SCAPER: variants seen among roughly 807,000 people sequenced by gnomAD.
SCAPER encodes S phase cyclin A-associated protein in the endoplasmic reticulum.
Under a neutral mutation model 182.2 loss-of-function variants are expected in SCAPER, and 98 were observed. That is an observed-to-expected ratio of 0.54 (90% CI 0.46 to 0.64). The LOEUF (loss-of-function observed/expected upper bound fraction) is 0.64, where lower values mean the gene tolerates loss of function less well. SCAPER is among the 30% of genes least tolerant of loss of function. The probability of loss-of-function intolerance (pLI) is 0.00; values close to 1 mark genes in which losing one functional copy is unlikely to be tolerated. For synonymous variants in SCAPER, 605 were observed against 564.6 expected (o/e 1.07, Z -1.01); for missense variants, 1,432 against 1,690.0 (o/e 0.85, Z 2.68).
rs551709831 is a variant in SCAPER, at chr15:76,468,863, T to A, written c.3078+2349A>T. On this transcript the variant is annotated intron_variant, in intron 25 of 31. Transcript: ENST00000563290. Reference sequence around the variant, plus strand: ...CTCATGAATGGGATTAGTGCCCTTATAAAAAGAGGCCAGAGAATTAGCTTG... The same window carrying A: ...CTCATGAATGGGATTAGTGCCCTTAAAAAAAGAGGCCAGAGAATTAGCTTG... 1.1e-3 allele frequency among the ~76,000 whole-genome samples: 168 copies of A among 152,272 alleles called. 1 individual carries two copies. Among genetic ancestry groups the A allele is most frequent in the Non-Finnish European group, 2.0e-3 (134 of 67,998 alleles).
intron 22 of SCAPER, among the ~76,000 whole-genome samples, chr15:76,620,446 C>T (rs987637923): frequency 6.6e-6 from 1 of 152,196 alleles, no homozygotes; most frequent in Non-Finnish European, 1.5e-5. Flanking sequence ...TTGTGATATA[C>T]AGCATCTTCC....
intron 22 of SCAPER, among the ~76,000 whole-genome samples, chr15:76,587,926 C>CT (rs377318110): frequency 0.01 from 1,454 of 144,346 alleles, 20 homozygotes; most frequent in African/African-American, 0.028. Flanking sequence ...TTTTTCTTTT[C>CT]TTTTTTTTTT....
At chr15:76,703,103 T>G in intron 18 of SCAPER, 101 bp from the exon 19 acceptor site, 1 of 1,310,732 alleles carries the variant, frequency 7.6e-7, no homozygotes, top group South Asian at 1.6e-5. Context: ...AATAATAGAA[T>G]GTCGTTTCTA....
intron 8 of SCAPER, among the ~76,000 whole-genome samples, chr15:76,793,040 C>T (rs547232070): frequency 6.6e-6 from 1 of 152,320 alleles, no homozygotes; most frequent in Non-Finnish European, 1.5e-5. Context: ...TTCATATCAT[C>T]TCTTCTCCCG....
intron 29 of SCAPER, among the ~76,000 whole-genome samples, chr15:76,373,133 C>T (rs1221955493): frequency 2.0e-5 from 3 of 151,538 alleles, no homozygotes; most frequent in Non-Finnish European, 1.5e-5. Context: ...CTGCAACCTC[C>T]GCCTCCCACG....
At chr15:76,426,492 G>C (rs1443344390) in intron 26 of SCAPER, among the ~76,000 whole-genome samples, 4 of 152,156 alleles carry the variant, frequency 2.6e-5, no homozygotes, top group African/African-American at 9.7e-5. Context: ...CTCATGCTGG[G>C]AGCTGTAGAC....
At chr15:76,617,135 C>T (rs1167266687) in intron 22 of SCAPER, among the ~76,000 whole-genome samples, 2 of 151,784 alleles carry the variant, frequency 1.3e-5, no homozygotes, top group Non-Finnish European at 2.9e-5. Flanking sequence ...GGTATTTAAC[C>T]AAGCATAAAG....
intron 25 of SCAPER, among the ~76,000 whole-genome samples, chr15:76,458,316 A>C (rs999505719): frequency 6.6e-6 from 1 of 152,050 alleles, no homozygotes; most frequent in Non-Finnish European, 1.5e-5. Context: ...GAAAAATTAT[A>C]TATGTAGAGA....
intron 23 of SCAPER, among the ~76,000 whole-genome samples, chr15:76,544,538 T>C (rs1367987847): frequency 2.0e-5 from 3 of 152,182 alleles, no homozygotes; most frequent in South Asian, 2.1e-4. Context: ...TTGAAATTTA[T>C]CTAATGTGAA....
chr15:76,813,292 A>G (rs1159920835), intron 5 of SCAPER, among the ~76,000 whole-genome samples: 2 of 150,516 alleles, frequency 1.3e-5, no homozygotes, highest in African/African-American at 4.9e-5. Flanking sequence ...AAATTTCCTC[A>G]ATATAGTAGA....
In SCAPER at chr15:76,348,386, T is replaced by TCATAAGATGGTATACCAAATTC. The variant is rs1440288009; in HGVS notation, c.*246_*247insGAATTTGGTATACCATCTTATG. On this transcript the variant is annotated 3_prime_UTR_variant, in exon 32 of 32. Transcript: ENST00000563290. Reference sequence around the variant, plus strand: ...TATCACAAATGCAAAGTATATATTATCATAAGATGGAAATTACCAAACTCC... The same window carrying TCATAAGATGGTATACCAAATTC: ...TATCACAAATGCAAAGTATATATTATCATAAGATGGTATACCAAATTCCATAAGATGGAAATTACCAAACTCC... 1.4e-5 allele frequency: 4 copies of TCATAAGATGGTATACCAAATTC among 282,602 alleles called. No individual in the cohort carries two copies. Among genetic ancestry groups the TCATAAGATGGTATACCAAATTC allele is most frequent in the African/African-American group, 8.7e-5 (4 of 45,776 alleles). 17.5% of individuals were successfully genotyped at this position (282,602 alleles called of 1,614,324 possible).
chr15:76,841,119 T>G (rs150786093), intron 5 of SCAPER, among the ~76,000 whole-genome samples: 99 of 152,344 alleles, frequency 6.5e-4, no homozygotes, highest in African/African-American at 2.2e-3. Flanking sequence ...ATGTTGTGTG[T>G]GTATCCAACC....
At chr15:76,734,671 T>C (rs2061136802) in intron 15 of SCAPER, among the ~76,000 whole-genome samples, 1 of 151,234 alleles carries the variant, frequency 6.6e-6, no homozygotes, top group Admixed American at 6.6e-5. Flanking sequence ...AGGTCAGGAG[T>C]GCAAGCTAGC....
intron 24 of SCAPER, among the ~76,000 whole-genome samples, chr15:76,501,004 C>G (rs1299306905): frequency 6.6e-6 from 1 of 151,246 alleles, no homozygotes; most frequent in Non-Finnish European, 1.5e-5. Flanking sequence ...GATGGCACCA[C>G]TGCACTCCAG....
intron 17 of SCAPER, among the ~76,000 whole-genome samples, chr15:76,719,205 C>A (rs2060058262): frequency 6.6e-6 from 1 of 151,836 alleles, no homozygotes; most frequent in Non-Finnish European, 1.5e-5. Flanking sequence ...ACCATTTAGC[C>A]CTAAAAGGAA....
At chr15:76,499,768 G>A (rs2040930454) in intron 24 of SCAPER, among the ~76,000 whole-genome samples, 1 of 152,126 alleles carries the variant, frequency 6.6e-6, no homozygotes, top group African/African-American at 2.4e-5. Flanking sequence ...CAAAGTTAAG[G>A]AAAATGAAAC....
At chr15:76,664,677 G>C (rs569117701) in intron 21 of SCAPER, among the ~76,000 whole-genome samples, 1 of 152,116 alleles carries the variant, frequency 6.6e-6, no homozygotes, top group Non-Finnish European at 1.5e-5. Flanking sequence ...AAAGTATCAA[G>C]AGGTCTGCAA....
chr15:76,439,474 T>C (rs2047414943), intron 25 of SCAPER, among the ~76,000 whole-genome samples: 1 of 152,258 alleles, frequency 6.6e-6, no homozygotes, highest in Non-Finnish European at 1.5e-5. Context: ...TCACTGTTAC[T>C]TGCCAGAGGT....
At chr15:76,721,825 G>A (rs1206833486) in intron 17 of SCAPER, among the ~76,000 whole-genome samples, 8 of 152,068 alleles carry the variant, frequency 5.3e-5, no homozygotes, top group Non-Finnish European at 1.2e-4. Context: ...GGAGATTTTG[G>A]GCTGAGACGA....
Sources: allele counts gnomAD v4.1 joint callset (sites outside exome capture counted in the v4.1 genomes callset), GRCh38; gene constraint gnomAD v4.1.1; transcripts MANE v1.5; gene names NCBI Gene and HGNC (gene_info 2026-07-23, HGNC 2026-07-21).